The following LAMA1 variants were observed in gnomAD, a reference collection of about 807,000 sequenced individuals.
LAMA1 encodes the protein laminin subunit alpha 1.
In LAMA1, 219 loss-of-function variants were observed where a neutral mutation model predicts 348.7. That is an observed-to-expected ratio of 0.63 (90% CI 0.56 to 0.70). The LOEUF (loss-of-function observed/expected upper bound fraction) is 0.70, where lower values mean the gene tolerates loss of function less well. Ranked by LOEUF, LAMA1 falls within the 30% of genes least tolerant of loss-of-function variation. LAMA1 has a pLI of 0.00. For synonymous variants in LAMA1, 1,487 were observed against 1,491.0 expected (o/e 1.00, Z 0.06); for missense variants, 3,744 against 3,888.0 (o/e 0.96, Z 0.99).
intron 62 of LAMA1, among the ~76,000 whole-genome samples, chr18:6,942,681 C>T (rs890237358): frequency 1.4e-4 from 22 of 151,938 alleles, no homozygotes; most frequent in Middle Eastern, 3.2e-3. Flanking sequence ...CCCAAAGTGC[C>T]GGGATTATAG....
In LAMA1 at chr18:6,986,251, TG is replaced by T; in HGVS notation, c.5264del (p.Ser1755Ter). On this transcript the variant is annotated frameshift_variant, in exon 37 of 63. Coordinates refer to ENST00000389658, the MANE Select transcript of LAMA1 (RefSeq NM_005559.4). LOFTEE classifies it high-confidence loss of function. Reference sequence around the variant, plus strand: ...CCGCCTTTAGTTCATTGTTGTGCTTTGAAAGGACGTGGCTTGCTGCTTCTTT... The same window carrying T: ...CCGCCTTTAGTTCATTGTTGTGCTTTAAAGGACGTGGCTTGCTGCTTCTTT... The part of the protein sequence containing the change: ...VLKEAASHVL[S>X]KHNNELKAAE... The T allele has an allele frequency of 6.2e-7, 1 of 1,614,196 alleles. No homozygotes were observed. Among genetic ancestry groups the T allele is most frequent in the Non-Finnish European group, 8.5e-7 (1 of 1,180,036 alleles).
chr18:6,989,967 T>C (rs1428258535), intron 36 of LAMA1, among the ~76,000 whole-genome samples: 2 of 152,162 alleles, frequency 1.3e-5, no homozygotes, highest in African/African-American at 2.4e-5. Context: ...TAGAGGCACA[T>C]AGCTTGAGAA....
At chr18:7,085,716 C>A (rs2058214621) in intron 1 of LAMA1, among the ~76,000 whole-genome samples, 1 of 152,142 alleles carries the variant, frequency 6.6e-6, no homozygotes, top group African/African-American at 2.4e-5. Context: ...CCGCTCCTGG[C>A]CTATTTTACC....
At chr18:6,994,923 C>G (rs552605361) in intron 34 of LAMA1, among the ~76,000 whole-genome samples, 1 of 152,256 alleles carries the variant, frequency 6.6e-6, no homozygotes, top group Non-Finnish European at 1.5e-5. Flanking sequence ...GATGCCTCAT[C>G]ATGAGGTCTG....
chr18:6,956,819 T>A lies in LAMA1; in HGVS notation c.7965-54A>T, dbSNP rs942551428. 1.3e-5 allele frequency: 21 copies of A among 1,583,442 alleles called. No individual in the cohort carries two copies. The Admixed American group carries it at 3.5e-4, about 26-fold the overall frequency. ...AATTAGGATATCACAAACCAGTCCATGAACCCAAGTCATCTGATAACTGTA... is the reference window on the plus strand; with the variant it reads ...AATTAGGATATCACAAACCAGTCCAAGAACCCAAGTCATCTGATAACTGTA... On this transcript the variant is annotated intron_variant, in intron 55 of 62. Coordinates refer to ENST00000389658, the MANE Select transcript of LAMA1 (RefSeq NM_005559.4).
At chr18:6,967,932 G>A (rs73390563) in intron 48 of LAMA1, among the ~76,000 whole-genome samples, 1,923 of 152,118 alleles carry the variant, frequency 0.013, 33 homozygotes, top group African/African-American at 0.038. Flanking sequence ...AGGTGGCCAC[G>A]AAGAGGGGGA....
At position 7,033,012 on chromosome 18, in the gene LAMA1, G is replaced by A. The variant is rs532355831; in HGVS notation, c.2135C>T (p.Pro712Leu). The change falls in exon 15 of 63, where the codon CCG (proline) becomes CTG (leucine). Residue 712 changes from proline (P) to leucine (L), a missense_variant. Pro to Leu is a moderately conservative substitution (Grantham distance 98, BLOSUM62 -3). Transcript: ENST00000389658. ...ACAGGAGGTCCCTGTGTAGCCTTGC[G>A]GACATTCACAGTGCTCCACATCAGC... ...VAADVEHCEC[P>L]QGYTGTSCES... 51 of 1,611,484 alleles carry A rather than the reference G, an allele frequency of 3.2e-5. No homozygotes were observed. Among genetic ancestry groups the A allele is most frequent in the South Asian group, 6.6e-5 (6 of 90,390 alleles).
chr18:6,966,369 G>C, intron 48 of LAMA1, 72 bp from the exon 49 acceptor site: 2 of 1,325,122 alleles, frequency 1.5e-6, no homozygotes, highest in Non-Finnish European at 2.1e-6. Context: ...CACTTACTGA[G>C]TTCTCCTTCA....
Position 6,979,966 on chromosome 18 carries a change from A to T in LAMA1, c.6007+555T>A, listed in dbSNP as rs547850037. ...GAAAGAACCACCATCTGCTCTAATC[A>T]TGTAGACTTATTGCGGCCTGGCTTC... On this transcript the variant is annotated intron_variant, in intron 42 of 62. Coordinates refer to ENST00000389658, the MANE Select transcript of LAMA1 (RefSeq NM_005559.4). 9.7e-4 allele frequency among the ~76,000 whole-genome samples: 148 copies of T among 152,272 alleles called. 1 individual carries two copies. The highest frequency in any genetic ancestry group is 3.2e-3 in the African/African-American group (134 of 41,558).
chr18:6,962,170 C>T (rs1038933204), intron 51 of LAMA1, 111 bp from the exon 52 acceptor site: 5 of 770,258 alleles, frequency 6.5e-6, no homozygotes, highest in Non-Finnish European at 1.2e-5. Context: ...GCCTGTAATC[C>T]CAGCACTTTG....
chr18:7,049,453 C>T (rs761119487), intron 4 of LAMA1, among the ~76,000 whole-genome samples, 196 bp from the exon 5 acceptor site: 11 of 152,116 alleles, frequency 7.2e-5, no homozygotes, highest in South Asian at 2.1e-4. Context: ...GTGTGCACCA[C>T]CACGCCCAGC....
rs184300460 is a variant in LAMA1, at chr18:7,056,240, C to T, written c.346-5304G>A. ...GGGTTGTGACCATCCATTACTGCTG[C>T]ACCTGTGAAACTTGACTTCACAAAG... On this transcript the variant is annotated intron_variant, in intron 3 of 62. Coordinates refer to ENST00000389658, the MANE Select transcript of LAMA1 (RefSeq NM_005559.4). Among the ~76,000 whole-genome samples, 5 of 152,268 alleles carry T rather than the reference C, an allele frequency of 3.3e-5. No individual in the cohort carries two copies. The East Asian group carries it at 7.7e-4, about 24-fold the overall frequency.
At chr18:7,027,458 T>C (rs1306786674) in intron 16 of LAMA1, among the ~76,000 whole-genome samples, 1 of 151,690 alleles carries the variant, frequency 6.6e-6, no homozygotes, top group African/African-American at 2.4e-5. Context: ...TTACAAATCT[T>C]GGGTAAACTC....
At chr18:7,071,703 T>C (rs989285588) in intron 3 of LAMA1, among the ~76,000 whole-genome samples, 2 of 152,350 alleles carry the variant, frequency 1.3e-5, no homozygotes, top group African/African-American at 2.4e-5. Flanking sequence ...AGAACACAAA[T>C]TTATATATCA....
intron 51 of LAMA1, among the ~76,000 whole-genome samples, chr18:6,963,010 T>G (rs1239139948): frequency 2.0e-5 from 3 of 151,950 alleles, no homozygotes; most frequent in Non-Finnish European, 2.9e-5. Flanking sequence ...CTGTACCAGC[T>G]CTTCACAGGA....
intron 1 of LAMA1, among the ~76,000 whole-genome samples, chr18:7,115,814 C>CAAAACAAAAAAAA (rs58813825): frequency 1.3e-4 from 12 of 94,836 alleles, no homozygotes; most frequent in East Asian, 5.3e-4. Flanking sequence ...ACTAAAAATA[C>CAAAACAAAAAAAA]AAAAAAAAAA....
intron 18 of LAMA1, among the ~76,000 whole-genome samples, 190 bp from the exon 19 acceptor site, chr18:7,023,565 C>T (rs900671704): frequency 3.9e-5 from 6 of 152,120 alleles, no homozygotes; most frequent in Admixed American, 6.5e-5. Flanking sequence ...AGGGGGAGAG[C>T]ATCCAAAATG....
At chr18:7,058,627 G>A (rs1277723216) in intron 3 of LAMA1, among the ~76,000 whole-genome samples, 1 of 152,132 alleles carries the variant, frequency 6.6e-6, no homozygotes, top group Non-Finnish European at 1.5e-5. Flanking sequence ...GACACAGACA[G>A]TACAGAGGGA....
At chr18:6,979,628 G>A (rs533636125) in intron 42 of LAMA1, among the ~76,000 whole-genome samples, 25 of 152,294 alleles carry the variant, frequency 1.6e-4, no homozygotes, top group Admixed American at 3.9e-4. Context: ...GGCCAGGCGC[G>A]GTGGCTCACG....
Sources: allele counts gnomAD v4.1 joint callset (sites outside exome capture counted in the v4.1 genomes callset), GRCh38; gene constraint gnomAD v4.1.1; transcripts MANE v1.5; gene names NCBI Gene and HGNC (gene_info 2026-07-23, HGNC 2026-07-21).